The following IRAG2 variants were observed in gnomAD, a reference collection of about 807,000 sequenced individuals.
IRAG2 encodes the protein lymphoid restricted membrane protein.
Under a neutral mutation model 69.9 loss-of-function variants are expected in IRAG2, and 45 were observed. The ratio of observed to expected loss-of-function variants is 0.64; its 90% confidence interval spans 0.51 to 0.83. IRAG2 has a LOEUF of 0.83. Among genes scored for constraint, IRAG2 ranks in the 40% least tolerant of loss-of-function variants. IRAG2 has a pLI of 0.00. For synonymous variants in IRAG2, 193 were observed against 202.4 expected (o/e 0.95, Z 0.40); for missense variants, 520 against 587.0 (o/e 0.89, Z 1.18).
At chr12:25,039,195 T>C (rs73299353) in intron 16 of IRAG2, among the ~76,000 whole-genome samples, 2 of 152,272 alleles carry the variant, frequency 1.3e-5, no homozygotes, top group South Asian at 2.1e-4. Flanking sequence ...AATTTTAAAA[T>C]GTAATTAGAG....
chr12:25,063,677 T>C lies in IRAG2; in HGVS notation c.-303-43T>C, dbSNP rs533164963. 2.8e-5 allele frequency: 11 copies of C among 397,186 alleles called. No individual in the cohort carries two copies. The South Asian group carries it at 5.1e-4, about 19-fold the overall frequency. The allele number at this position is 397,186 out of a possible 1,614,324, so 24.6% of individuals were successfully genotyped here. A position where few individuals can be genotyped will look rare whatever the true frequency, so the allele number is the denominator to read the frequency against. On this transcript the variant is annotated intron_variant, in intron 3 of 21. Coordinates refer to ENST00000556887, the MANE Select transcript of IRAG2 (RefSeq NM_001366544.2). ...AGGTAGTAGATTATGAAATATATGT[T>C]ACATTCCTTTAGATGGCTAATACTA...
chr12:25,000,904 G>A (rs778247419), upstream of IRAG2, among the ~76,000 whole-genome samples: 6 of 152,212 alleles, frequency 3.9e-5, no homozygotes, highest in Non-Finnish European at 7.3e-5. Context: ...GTATTTTTAA[G>A]TATTCTGGCA....
chr12:25,050,027 G>A (rs573369891), upstream of IRAG2, among the ~76,000 whole-genome samples: 3 of 149,496 alleles, frequency 2.0e-5, no homozygotes, highest in South Asian at 4.2e-4. Context: ...GGAGGCCGAG[G>A]CAGGAGAATG....
At chr12:25,083,983 G>C (rs908458639) in intron 10 of IRAG2, among the ~76,000 whole-genome samples, 3 of 152,200 alleles carry the variant, frequency 2.0e-5, no homozygotes, top group Non-Finnish European at 2.9e-5. Flanking sequence ...TGTCACGGAG[G>C]AAGTACCATG....
intron 1 of IRAG2, among the ~76,000 whole-genome samples, chr12:25,053,590 A>G (rs536918468): frequency 6.6e-6 from 1 of 152,274 alleles, no homozygotes; most frequent in African/African-American, 2.4e-5. Flanking sequence ...CAGTTGTCAC[A>G]TTACAGATGT....
At chr12:25,043,628 G>A (rs1197307675) in intron 16 of IRAG2, among the ~76,000 whole-genome samples, 3 of 151,846 alleles carry the variant, frequency 2.0e-5, no homozygotes, top group African/African-American at 2.4e-5. Flanking sequence ...ACTATGAGAT[G>A]CATCATGCTC....
chr12:25,085,308 A>G (rs1162595412), intron 10 of IRAG2, among the ~76,000 whole-genome samples: 1 of 152,168 alleles, frequency 6.6e-6, no homozygotes, highest in African/African-American at 2.4e-5. Context: ...AGTAAGATGG[A>G]TGCGGAGCCA....
chr12:25,059,420 C>T (rs1193022897), intron 1 of IRAG2, among the ~76,000 whole-genome samples: 3 of 152,124 alleles, frequency 2.0e-5, no homozygotes, highest in Non-Finnish European at 4.4e-5. Context: ...GGCTTGATCT[C>T]GGCTCACTGC....
intron 6 of IRAG2, among the ~76,000 whole-genome samples, chr12:25,077,266 AATATATATGAAATATATATGAT>A (rs1317434193): frequency 6.1e-5 from 2 of 32,848 alleles, no homozygotes; most frequent in African/African-American, 2.0e-4. Flanking sequence ...ATATATATGA[AATATATATGAAATATATATGAT>A]ATATATATGA....
chr12:25,050,549 AAAC>A (rs1944843629), upstream of IRAG2, among the ~76,000 whole-genome samples: 2 of 124,138 alleles, frequency 1.6e-5, no homozygotes, highest in Admixed American at 1.6e-4. Flanking sequence ...ACAAACAAAC[AAAC>A]AAAAAAAAAC....
intron 10 of IRAG2, among the ~76,000 whole-genome samples, chr12:25,085,835 T>C (rs971553274): frequency 6.9e-6 from 1 of 145,170 alleles, no homozygotes; most frequent in Non-Finnish European, 1.5e-5. Flanking sequence ...ATAGTTATAA[T>C]GACAAGAAAG....
chr12:25,040,213 A>G (rs1200641979), intron 16 of IRAG2, among the ~76,000 whole-genome samples: 1 of 152,260 alleles, frequency 6.6e-6, no homozygotes. Context: ...GATTTTAGCT[A>G]TGAATAAGTA....
intron 2 of IRAG2, among the ~76,000 whole-genome samples, chr12:25,062,441 A>G (rs2139976549): frequency 6.6e-6 from 1 of 152,354 alleles, no homozygotes; most frequent in East Asian, 1.9e-4. Flanking sequence ...ATTATAATAT[A>G]ACTATGATAG....
chr12:25,102,976 G>C (rs1948839036), intron 17 of IRAG2: 1 of 152,182 alleles, frequency 6.6e-6, no homozygotes, highest in African/African-American at 2.4e-5. Context: ...GAGAAACACA[G>C]AAGTTAAGTG....
chr12:25,032,172 A>G (rs1944673325), exon 11 of IRAG2: 1 of 398,926 alleles, frequency 2.5e-6, no homozygotes, highest in African/African-American at 2.1e-5. Flanking sequence ...ACTTAAATCA[A>G]CCATCATAGA....
chr12:25,062,400 A>G (rs369265233), intron 2 of IRAG2, among the ~76,000 whole-genome samples: 2 of 152,328 alleles, frequency 1.3e-5, no homozygotes, highest in African/African-American at 4.8e-5. Flanking sequence ...AAGATGCTTT[A>G]ATCATCTCAA....
intron 14 of IRAG2, among the ~76,000 whole-genome samples, chr12:25,095,111 G>A (rs1948335090): frequency 6.6e-6 from 1 of 152,068 alleles, no homozygotes; most frequent in South Asian, 2.1e-4. Context: ...GTATTATGTT[G>A]AATAATATTG....
intron 6 of IRAG2, among the ~76,000 whole-genome samples, chr12:25,077,187 T>TATATATGAAATATATATG (rs1378332145): frequency 0.057 from 3,556 of 62,568 alleles, 397 homozygotes; most frequent in Middle Eastern, 0.1. Context: ...ATATATATGA[T>TATATATGAAATATATATG]ATATATATGA....
exon 22 of IRAG2, chr12:25,108,334 C>CATAGAGTGA (rs1422687659): frequency 1.9e-6 from 1 of 540,408 alleles, no homozygotes; most frequent in African/African-American, 1.9e-5. Context: ...TTTAAATCTT[C>CATAGAGTGA]ATAGAGTGAA....
Sources: gnomAD v4.1 joint callset for allele counts (sites outside exome capture counted in the v4.1 genomes callset) on GRCh38, gnomAD v4.1.1 for gene constraint, MANE v1.5 for transcripts, NCBI Gene and HGNC (gene_info 2026-07-23, HGNC 2026-07-21) for gene names.